The following LIN7A variants were observed in gnomAD, a reference collection of about 807,000 sequenced individuals.
The protein encoded by LIN7A is protein lin-7 homolog A.
Under a neutral mutation model 29.8 loss-of-function variants are expected in LIN7A, and 25 were observed. The observed-to-expected ratio is 0.84, with a 90% CI of 0.61 to 1.17. LIN7A has a LOEUF of 1.17. LIN7A is among the 50% of genes most tolerant of loss of function. The probability of loss-of-function intolerance (pLI) is 0.00; values close to 1 mark genes in which losing one functional copy is unlikely to be tolerated. For synonymous variants in LIN7A, 118 were observed against 107.5 expected (o/e 1.10, Z -0.60); for missense variants, 239 against 287.0 (o/e 0.83, Z 1.21).
intron 1 of LIN7A, among the ~76,000 whole-genome samples, chr12:80,908,104 G>A (rs192330087): frequency 6.6e-6 from 1 of 152,176 alleles, no homozygotes; most frequent in East Asian, 1.9e-4. Context: ...AAAGATACTT[G>A]AATCCCAGGT....
chr12:80,915,849 T>C (rs1470745260), intron 1 of LIN7A, among the ~76,000 whole-genome samples: 1 of 151,960 alleles, frequency 6.6e-6, no homozygotes, highest in Admixed American at 6.6e-5. Flanking sequence ...GACATAAAGA[T>C]GGGAACAACA....
chr12:80,847,843 T>C (rs1213480931), intron 3 of LIN7A, among the ~76,000 whole-genome samples: 1 of 152,158 alleles, frequency 6.6e-6, no homozygotes, highest in Non-Finnish European at 1.5e-5. Flanking sequence ...CCTAGATCAG[T>C]GGGTGTCAGG....
intron 1 of LIN7A, among the ~76,000 whole-genome samples, chr12:80,913,618 A>G (rs1876878100): frequency 6.6e-6 from 1 of 152,188 alleles, no homozygotes; most frequent in African/African-American, 2.4e-5. Flanking sequence ...AAGTACCCCG[A>G]GTATGCCAGG....
chr12:80,844,390 A>G (rs930937669), intron 4 of LIN7A, among the ~76,000 whole-genome samples: 1 of 152,198 alleles, frequency 6.6e-6, no homozygotes, highest in Non-Finnish European at 1.5e-5. Context: ...GTTCTATGAA[A>G]CTACTAGTCA....
chr12:80,929,184 C>T (rs1019366893), intron 1 of LIN7A, among the ~76,000 whole-genome samples: 10 of 152,160 alleles, frequency 6.6e-5, no homozygotes, highest in Non-Finnish European at 1.3e-4. Flanking sequence ...ATAAAGTCCT[C>T]AATCTTTTCC....
chr12:80,870,654 A>C (rs1164363313), intron 2 of LIN7A, among the ~76,000 whole-genome samples: 1 of 152,194 alleles, frequency 6.6e-6, no homozygotes, highest in Non-Finnish European at 1.5e-5. Flanking sequence ...TCTACAGATT[A>C]CTGGGAGACC....
At chr12:80,842,248 G>GTA (rs1018619776) in intron 4 of LIN7A, 13 of 557,782 alleles carry the variant, frequency 2.3e-5, no homozygotes, top group South Asian at 5.0e-5. Flanking sequence ...TTCTGTGTGT[G>GTA]TATATATATA....
chr12:80,921,193 T>A (rs1458835059), intron 1 of LIN7A, among the ~76,000 whole-genome samples: 1 of 152,018 alleles, frequency 6.6e-6, no homozygotes, highest in East Asian at 1.9e-4. Context: ...AGGTGTCCTC[T>A]AAGAACCAGG....
chr12:80,817,324 T>C (rs1379821894), intron 4 of LIN7A, among the ~76,000 whole-genome samples: 1 of 152,150 alleles, frequency 6.6e-6, no homozygotes, highest in Non-Finnish European at 1.5e-5. Context: ...AGATCTCAGA[T>C]GGAAGCAATG....
intron 1 of LIN7A, among the ~76,000 whole-genome samples, chr12:80,892,774 A>T (rs1462653254): frequency 1.3e-5 from 2 of 152,300 alleles, no homozygotes; most frequent in African/African-American, 4.8e-5. Context: ...GGGGCTGGGC[A>T]TGGGGCTTTT....
intron 2 of LIN7A, among the ~76,000 whole-genome samples, chr12:80,870,981 G>A (rs1203865529): frequency 6.6e-6 from 1 of 152,156 alleles, no homozygotes; most frequent in Non-Finnish European, 1.5e-5. Context: ...AAAGGTCAAT[G>A]CAAAATTCTG....
At chr12:80,885,860 C>A (rs565956743) in intron 2 of LIN7A, among the ~76,000 whole-genome samples, 101 of 151,708 alleles carry the variant, frequency 6.7e-4, no homozygotes, top group African/African-American at 1.9e-3. Flanking sequence ...TGGTTTCATC[C>A]AAATGTAAAG....
chr12:80,801,889 G>A (rs1368622150), intron 5 of LIN7A, among the ~76,000 whole-genome samples: 1 of 148,978 alleles, frequency 6.7e-6, no homozygotes, highest in East Asian at 1.9e-4. Context: ...CTACTTCTAT[G>A]AGTCTAACTT....
chr12:80,835,913 G>T (rs574642717), intron 4 of LIN7A, among the ~76,000 whole-genome samples: 10 of 152,098 alleles, frequency 6.6e-5, no homozygotes, highest in African/African-American at 2.4e-4. Context: ...AGGGAAAATT[G>T]CTCTTAAGTT....
chr12:80,807,486 A>T (rs1021409013), intron 5 of LIN7A, among the ~76,000 whole-genome samples: 3 of 152,200 alleles, frequency 2.0e-5, no homozygotes, highest in Non-Finnish European at 2.9e-5. Flanking sequence ...TGAGCATAAT[A>T]TTGGAAGTCT....
At chr12:80,827,738 A>T (rs1872148331) in intron 4 of LIN7A, among the ~76,000 whole-genome samples, 1 of 151,962 alleles carries the variant, frequency 6.6e-6, no homozygotes. Context: ...ATAACCCCCC[A>T]CCCATCATTC....
chr12:80,889,153 T>A (rs1875491057), intron 2 of LIN7A, 98 bp downstream of exon 2: 4 of 754,916 alleles, frequency 5.3e-6, no homozygotes. Flanking sequence ...AAAATGTAGT[T>A]CCAATCTTAA....
intron 4 of LIN7A, among the ~76,000 whole-genome samples, chr12:80,812,212 G>C (rs926012813): frequency 1.3e-5 from 2 of 151,836 alleles, no homozygotes; most frequent in African/African-American, 4.8e-5. Context: ...AGGAGAAAAG[G>C]ACTATTAACT....
intron 1 of LIN7A, among the ~76,000 whole-genome samples, chr12:80,894,170 A>T (rs1304353218): frequency 6.6e-6 from 1 of 152,210 alleles, no homozygotes; most frequent in Non-Finnish European, 1.5e-5. Flanking sequence ...TATTTATAAC[A>T]GTTCCCTTAG....
Sources: gnomAD v4.1 joint callset for allele counts (sites outside exome capture counted in the v4.1 genomes callset) on GRCh38, gnomAD v4.1.1 for gene constraint, MANE v1.5 for transcripts, NCBI Gene and HGNC (gene_info 2026-07-23, HGNC 2026-07-21) for gene names.